Variants in NOL10 observed in about 807,000 individuals in gnomAD.
The protein encoded by NOL10 is H_NH0074G24.1.
Under a neutral mutation model 103.5 loss-of-function variants are expected in NOL10, and 58 were observed. The ratio of observed to expected loss-of-function variants is 0.56; its 90% CI spans 0.45 to 0.70. The LOEUF is 0.70. Ranked by LOEUF, NOL10 falls within the 30% of genes least tolerant of loss-of-function variation. The pLI is 0.00. For synonymous variants in NOL10, 287 were observed against 282.5 expected, an observed-to-expected ratio of 1.02 and a Z score of -0.16; for missense variants, 763 against 807.3, an observed-to-expected ratio of 0.95 and a Z score of 0.67.
intron 11 of NOL10, among the ~76,000 whole-genome samples, chr2:10,656,269 A>G (rs1435124050): frequency 6.6e-6 from 1 of 152,210 alleles, no homozygotes; most frequent in Non-Finnish European, 1.5e-5. Flanking sequence ...AGAGCAGAGA[A>G]AGTTCTGGTC....
chr2:10,665,235 TAAAAA>T (rs1279787851), intron 8 of NOL10, among the ~76,000 whole-genome samples: 1 of 152,120 alleles, frequency 6.6e-6, no homozygotes, highest in Non-Finnish European at 1.5e-5. Context: ...TTTATGGACA[TAAAAA>T]AGAAAAGTTG....
At chr2:10,586,244 T>G (rs111827627) in intron 19 of NOL10, among the ~76,000 whole-genome samples, 1 of 152,246 alleles carries the variant, frequency 6.6e-6, no homozygotes, top group African/African-American at 2.4e-5. Context: ...GTGAACTGCA[T>G]GCTTTAAGCA....
intron 13 of NOL10, among the ~76,000 whole-genome samples, chr2:10,643,262 G>C (rs1337503824): frequency 6.6e-6 from 1 of 152,090 alleles, no homozygotes; most frequent in Non-Finnish European, 1.5e-5. Context: ...TTTTATGTGT[G>C]AAAATACATA....
intron 13 of NOL10, among the ~76,000 whole-genome samples, chr2:10,618,661 T>C (rs528642868): frequency 2.0e-5 from 3 of 152,152 alleles, no homozygotes; most frequent in Non-Finnish European, 4.4e-5. Flanking sequence ...CTGGGGACTA[T>C]TTGCCAGGAG....
intron 3 of NOL10, among the ~76,000 whole-genome samples, chr2:10,678,603 T>A (rs1010692362): frequency 1.3e-5 from 2 of 152,062 alleles, no homozygotes; most frequent in East Asian, 3.9e-4. Flanking sequence ...ACTTTGCACA[T>A]CCCCTGAGTT....
chr2:10,634,215 G>T (rs181554713), intron 13 of NOL10, among the ~76,000 whole-genome samples: 8 of 152,318 alleles, frequency 5.3e-5, no homozygotes, highest in Non-Finnish European at 8.8e-5. Context: ...GAAGCAGAAA[G>T]ATCAGTTATC....
rs1294867981 is a variant in NOL10 at position 10,587,122 on chromosome 2, T to C, written c.1844+1921A>G. ...ACACATATATATACATATATATACATATATATACATATATACACATATATA... is the reference window on the plus strand; with the variant it reads ...ACACATATATATACATATATATACACATATATACATATATACACATATATA... On this transcript the variant is annotated intron_variant, in intron 19 of 20. Coordinates refer to ENST00000381685, the MANE Select transcript of NOL10 (RefSeq NM_024894.4). Among the ~76,000 whole-genome samples, 44 of 51,448 alleles carry C rather than the reference T, an allele frequency of 8.6e-4. 7 individuals are homozygous for C. Among genetic ancestry groups the C allele is most frequent in the South Asian group, 1.6e-3 (4 of 2,518 alleles). 33.8% of individuals were successfully genotyped at this position (51,448 alleles called of 152,430 possible).
At chr2:10,637,745 A>G (rs911455230) in intron 13 of NOL10, among the ~76,000 whole-genome samples, 2 of 152,206 alleles carry the variant, frequency 1.3e-5, no homozygotes, top group Admixed American at 6.5e-5. Context: ...TTGCGAAGAC[A>G]GAGTTTTGTG....
intron 8 of NOL10, among the ~76,000 whole-genome samples, chr2:10,664,117 T>TAA (rs1233675337): frequency 5.4e-5 from 7 of 129,634 alleles, no homozygotes; most frequent in Admixed American, 8.0e-5. Flanking sequence ...AGACTCCGTC[T>TAA]AAAAAAAAAA....
At chr2:10,625,336 G>A (rs1385712499) in intron 13 of NOL10, among the ~76,000 whole-genome samples, 1 of 152,118 alleles carries the variant, frequency 6.6e-6, no homozygotes, top group Non-Finnish European at 1.5e-5. Context: ...CTGTTGTAAA[G>A]TGCTGATGGT....
intron 13 of NOL10, among the ~76,000 whole-genome samples, chr2:10,635,410 G>C (rs978851943): frequency 1.3e-5 from 2 of 152,158 alleles, no homozygotes; most frequent in African/African-American, 4.8e-5. Context: ...TTTTGCCCCA[G>C]ATATGTGCTA....
intron 3 of NOL10, 136 bp downstream of exon 3, chr2:10,681,835 A>G: frequency 2.5e-6 from 1 of 398,868 alleles, no homozygotes; most frequent in South Asian, 9.6e-5. Context: ...GGTGTTTACT[A>G]TACAATTTTT....
At chr2:10,630,487 C>T (rs1452629579) in intron 13 of NOL10, among the ~76,000 whole-genome samples, 4 of 151,972 alleles carry the variant, frequency 2.6e-5, no homozygotes, top group East Asian at 1.9e-4. Context: ...CTGAGGCGGG[C>T]GGATCATGAG....
chr2:10,647,433 T>A lies in NOL10; in HGVS notation c.974-3061A>T, dbSNP rs190612567. Among the ~76,000 whole-genome samples, 25 of 152,364 alleles carry A rather than the reference T, an allele frequency of 1.6e-4. No individual in the cohort carries two copies. In the East Asian group the frequency reaches 4.0e-3, roughly 25 times the overall value. ...CATTTAGAAACCTGCAATTCAACAC[T>A]GCAGTGACAACCAAATGTGTGATCA... On this transcript the variant is annotated intron_variant, in intron 12 of 20. Transcript: ENST00000381685.
chr2:10,622,081 G>A (rs1458984293), intron 13 of NOL10: 6 of 471,138 alleles, frequency 1.3e-5, no homozygotes, highest in Non-Finnish European at 2.2e-5. Context: ...GATATAGAAC[G>A]TGTCCGTCAT....
chr2:10,610,760 T>C (rs1372367014), intron 13 of NOL10, among the ~76,000 whole-genome samples: 3 of 152,238 alleles, frequency 2.0e-5, no homozygotes, highest in African/African-American at 7.2e-5. Context: ...TTCATAGCCA[T>C]AAAATATGTT....
chr2:10,607,398 A>G (rs1676316125), intron 13 of NOL10, 87 bp from the exon 14 acceptor site: 2 of 1,395,554 alleles, frequency 1.4e-6, no homozygotes, highest in Middle Eastern at 1.9e-4. Flanking sequence ...TTTGTTAAAC[A>G]TGATTTCTAA....
chr2:10,587,275 A>ATATATTTTTTTT lies in NOL10; in HGVS notation c.1844+1767_1844+1768insAAAAAAAATATA, dbSNP rs1280231319. 3.5e-4 allele frequency among the ~76,000 whole-genome samples: 8 copies of ATATATTTTTTTT among 22,566 alleles called. 1 individual carries two copies. Among genetic ancestry groups the ATATATTTTTTTT allele is most frequent in the Non-Finnish European group, 6.3e-4 (8 of 12,654 alleles). 14.8% of individuals were successfully genotyped at this position (22,566 alleles called of 152,430 possible). On this transcript the variant is annotated intron_variant, in intron 19 of 20. Transcript: ENST00000381685. ...TATATATACACATATATATATATAT[A>ATATATTTTTTTT]TTTTTTTTTTTTTTGAGATGGAGTC... is the stretch of plus-strand genomic sequence containing the variant.
At chr2:10,687,061 C>T (rs1014842896) in intron 1 of NOL10, among the ~76,000 whole-genome samples, 4 of 152,202 alleles carry the variant, frequency 2.6e-5, no homozygotes, top group African/African-American at 9.7e-5. Flanking sequence ...AACGTAGAGG[C>T]TTCTCTACAT....
Sources: allele counts gnomAD v4.1 joint callset (sites outside exome capture counted in the v4.1 genomes callset), GRCh38; gene constraint gnomAD v4.1.1; transcripts MANE v1.5; gene names NCBI Gene and HGNC (gene_info 2026-07-23, HGNC 2026-07-21).